The following NUBPL variants were observed in gnomAD, a reference collection of about 807,000 sequenced individuals.
The protein encoded by NUBPL is iron-sulfur cluster transfer protein NUBPL.
In NUBPL, 31 loss-of-function variants were observed where a neutral mutation model predicts 45.7. The observed-to-expected ratio is 0.68, with a 90% CI of 0.51 to 0.92. NUBPL has a LOEUF of 0.92. Among genes scored for constraint, NUBPL ranks in the 40% least tolerant of loss-of-function variants. NUBPL has a pLI of 0.00. For missense variants in NUBPL, 401 were observed against 398.7 expected, an observed-to-expected ratio of 1.01 and a Z score of -0.05; for synonymous variants, 144 against 140.9, an observed-to-expected ratio of 1.02 and a Z score of -0.15.
intron 6 of NUBPL, among the ~76,000 whole-genome samples, chr14:31,725,145 G>A (rs992434759): frequency 1.2e-4 from 19 of 152,058 alleles, no homozygotes; most frequent in Non-Finnish European, 2.4e-4. Context: ...GGCTTGTGTA[G>A]AGAATTGAAC....
At chr14:31,855,358 T>C (rs919575074) in intron 10 of NUBPL, among the ~76,000 whole-genome samples, 2 of 152,204 alleles carry the variant, frequency 1.3e-5, no homozygotes, top group Admixed American at 6.5e-5. Flanking sequence ...TTTTAGACTA[T>C]GCTTTATGAT....
intron 6 of NUBPL, among the ~76,000 whole-genome samples, chr14:31,739,252 A>G (rs866246334): frequency 1.8e-5 from 2 of 110,868 alleles, no homozygotes; most frequent in Non-Finnish European, 3.3e-5. Context: ...ATATATATAT[A>G]TTTTTTTTTT....
intron 4 of NUBPL, among the ~76,000 whole-genome samples, chr14:31,633,321 C>T (rs574518945): frequency 8.5e-5 from 13 of 152,176 alleles, no homozygotes; most frequent in Admixed American, 2.0e-4. Context: ...TATCACCAAA[C>T]ATATAACGTA....
At chr14:31,690,101 A>AAAG (rs397945400) in intron 6 of NUBPL, among the ~76,000 whole-genome samples, 1 of 151,848 alleles carries the variant, frequency 6.6e-6, no homozygotes, top group Non-Finnish European at 1.5e-5. Context: ...GAAAAAAAAA[A>AAAG]TGCCACAGAG....
chr14:31,720,749 G>A (rs922406651), intron 6 of NUBPL, among the ~76,000 whole-genome samples: 3 of 152,168 alleles, frequency 2.0e-5, no homozygotes, highest in Non-Finnish European at 2.9e-5. Context: ...TTCATCAGTC[G>A]TAAGTATATT....
At chr14:31,632,783 G>C (rs1205114044) in intron 4 of NUBPL, among the ~76,000 whole-genome samples, 1 of 152,128 alleles carries the variant, frequency 6.6e-6, no homozygotes, top group African/African-American at 2.4e-5. Flanking sequence ...GCCCATTGTA[G>C]TAATAGGTCA....
chr14:31,684,917 T>C (rs1324641984), intron 6 of NUBPL, among the ~76,000 whole-genome samples: 1 of 151,872 alleles, frequency 6.6e-6, no homozygotes, highest in Non-Finnish European at 1.5e-5. Flanking sequence ...TTGGTTAACA[T>C]TCATATTTGG....
chr14:31,813,484 TATAC>T (rs1566577273), intron 7 of NUBPL, among the ~76,000 whole-genome samples: 7 of 151,054 alleles, frequency 4.6e-5, no homozygotes, highest in Non-Finnish European at 1.0e-4. Context: ...CATATATATA[TATAC>T]ACACATACAT....
At chr14:31,653,074 A>C (rs1450981064) in intron 4 of NUBPL, among the ~76,000 whole-genome samples, 1 of 152,184 alleles carries the variant, frequency 6.6e-6, no homozygotes, top group African/African-American at 2.4e-5. Context: ...CAAAGATTAC[A>C]TACTTCAAAG....
At chr14:31,757,184 T>A (rs12590833) in intron 6 of NUBPL, among the ~76,000 whole-genome samples, 47 of 94,036 alleles carry the variant, frequency 5.0e-4, no homozygotes, top group Non-Finnish European at 8.1e-4. Flanking sequence ...TGTCTCTGCC[T>A]GGCTTTGGTA....
rs192984391 is a variant in NUBPL at position 31,859,510 on chromosome 14, C to A, written c.*330C>A. 68 of 363,052 alleles carry A rather than the reference C, an allele frequency of 1.9e-4. No homozygotes were observed. Among genetic ancestry groups the A allele is most frequent in the African/African-American group, 1.3e-3 (63 of 47,702 alleles). The allele number at this position is 363,052 out of a possible 1,614,324, so 22.5% of individuals were successfully genotyped here. On this transcript the variant is annotated 3_prime_UTR_variant, in exon 11 of 11. Coordinates refer to ENST00000281081, the MANE Select transcript of NUBPL (RefSeq NM_025152.3). Reference sequence around the variant, plus strand: ...GAGAACTGTACACTTTTTGCAGGACCACAGAATTAGTAATTTAAATGATAT... The same window carrying A: ...GAGAACTGTACACTTTTTGCAGGACAACAGAATTAGTAATTTAAATGATAT...
At chr14:31,809,974 C>T (rs1164534260) in intron 7 of NUBPL, among the ~76,000 whole-genome samples, 1 of 152,180 alleles carries the variant, frequency 6.6e-6, no homozygotes, top group Non-Finnish European at 1.5e-5. Flanking sequence ...GCACTGTGGT[C>T]TGATAGATAG....
chr14:31,628,995 T>C (rs527437870), intron 4 of NUBPL, among the ~76,000 whole-genome samples: 8 of 152,188 alleles, frequency 5.3e-5, no homozygotes, highest in Non-Finnish European at 4.4e-5. Flanking sequence ...CTACCATTGC[T>C]TTTGAACCAT....
chr14:31,739,932 T>C (rs1287176927), intron 6 of NUBPL, among the ~76,000 whole-genome samples: 20 of 152,204 alleles, frequency 1.3e-4, no homozygotes, highest in Admixed American at 1.3e-3. Flanking sequence ...TCTGATTGGC[T>C]TCTTTCACTT....
intron 6 of NUBPL, among the ~76,000 whole-genome samples, chr14:31,716,170 A>G (rs569833371): frequency 6.6e-6 from 1 of 152,212 alleles, no homozygotes; most frequent in African/African-American, 2.4e-5. Flanking sequence ...GTCATTTCCT[A>G]TGATAACAAT....
At chr14:31,623,464 A>G (rs12894985) in intron 4 of NUBPL, among the ~76,000 whole-genome samples, 128,421 of 152,132 alleles carry the variant, frequency 0.84, 57,631 homozygotes, top group East Asian at 1. Context: ...TGTTTGGTTC[A>G]GTGTCCCCAC....
intron 4 of NUBPL, among the ~76,000 whole-genome samples, chr14:31,660,144 G>A (rs2036233848): frequency 6.6e-6 from 1 of 152,050 alleles, no homozygotes; most frequent in South Asian, 2.1e-4. Flanking sequence ...TTTAGATACA[G>A]CATTATTTTA....
At chr14:31,635,663 C>G (rs1454101574) in intron 4 of NUBPL, among the ~76,000 whole-genome samples, 3 of 151,902 alleles carry the variant, frequency 2.0e-5, no homozygotes, top group Non-Finnish European at 1.5e-5. Context: ...GGCATTGAAT[C>G]TATAAATTCC....
At chr14:31,779,952 A>T (rs1015873709) in intron 6 of NUBPL, among the ~76,000 whole-genome samples, 2 of 152,202 alleles carry the variant, frequency 1.3e-5, no homozygotes, top group African/African-American at 4.8e-5. Context: ...AAAAGCTGGG[A>T]ACTCCTGAAG....
Sources: allele counts gnomAD v4.1 joint callset (sites outside exome capture counted in the v4.1 genomes callset), GRCh38; gene constraint gnomAD v4.1.1; transcripts MANE v1.5; gene names NCBI Gene and HGNC (gene_info 2026-07-23, HGNC 2026-07-21).